MSRA: variants seen among roughly 807,000 people sequenced by gnomAD.
MSRA encodes the protein methionine sulfoxide reductase A.
In MSRA, 54 loss-of-function variants were observed where a neutral mutation model predicts 31.3. The ratio of observed to expected loss-of-function variants is 1.73; its 90% CI spans 1.39 to 2.17. MSRA has a LOEUF of 2.17. Ranked by LOEUF, MSRA falls within the 30% of genes most tolerant of loss-of-function variation. The pLI is 0.00. For synonymous variants in MSRA, 169 were observed against 116.5 expected (o/e 1.45, Z -2.90); for missense variants, 507 against 300.9 (o/e 1.69, Z -5.07).
chr8:10,116,797 G>A (rs904266119), intron 1 of MSRA, among the ~76,000 whole-genome samples: 7 of 151,862 alleles, frequency 4.6e-5, no homozygotes, highest in African/African-American at 1.2e-4. Flanking sequence ...AAGAAGCCCC[G>A]TCTCTACTAA....
intron 5 of MSRA, among the ~76,000 whole-genome samples, chr8:10,325,222 T>A (rs1276411467): frequency 1.3e-5 from 2 of 152,122 alleles, no homozygotes; most frequent in Non-Finnish European, 2.9e-5. Flanking sequence ...GCACCTCTGA[T>A]AGAGGTGAGA....
intron 1 of MSRA, among the ~76,000 whole-genome samples, chr8:10,139,064 T>C (rs1046478275): frequency 6.6e-6 from 1 of 152,236 alleles, no homozygotes; most frequent in African/African-American, 2.4e-5. Flanking sequence ...TTAAAGGCTT[T>C]CATTACTATC....
At chr8:10,410,059 A>C (rs1258902644) in intron 5 of MSRA, among the ~76,000 whole-genome samples, 2 of 152,212 alleles carry the variant, frequency 1.3e-5, no homozygotes, top group Non-Finnish European at 2.9e-5. Flanking sequence ...GACCTTGTCT[A>C]TTATTTTTAA....
chr8:10,218,814 C>G (rs757745460), intron 2 of MSRA, among the ~76,000 whole-genome samples: 7 of 152,170 alleles, frequency 4.6e-5, no homozygotes, highest in South Asian at 2.1e-4. Context: ...GGGCGTTTAA[C>G]CAGATTATTG....
At chr8:10,266,761 A>G (rs528592336) in intron 3 of MSRA, among the ~76,000 whole-genome samples, 11 of 152,320 alleles carry the variant, frequency 7.2e-5, no homozygotes, top group African/African-American at 2.6e-4. Context: ...AGTGCAAGTC[A>G]TTTGACACGT....
intron 1 of MSRA, among the ~76,000 whole-genome samples, chr8:10,178,198 A>G (rs1295293050): frequency 6.6e-6 from 1 of 152,212 alleles, no homozygotes; most frequent in Non-Finnish European, 1.5e-5. Flanking sequence ...TAAGAGTGTG[A>G]AAATCAGGAG....
chr8:10,145,169 G>A (rs1471088955), intron 1 of MSRA, among the ~76,000 whole-genome samples: 2 of 152,210 alleles, frequency 1.3e-5, no homozygotes, highest in Non-Finnish European at 2.9e-5. Flanking sequence ...AAACTCCAGG[G>A]ACAGGCAGGG....
intron 5 of MSRA, among the ~76,000 whole-genome samples, chr8:10,356,913 T>A (rs899858823): frequency 0.01 from 1,430 of 138,678 alleles, 24 homozygotes; most frequent in African/African-American, 0.037. Context: ...AAAAAAAATA[T>A]ATGTGTCTTT....
intron 1 of MSRA, among the ~76,000 whole-genome samples, chr8:10,155,764 C>G (rs1015050301): frequency 6.6e-6 from 1 of 151,978 alleles, no homozygotes; most frequent in Non-Finnish European, 1.5e-5. Context: ...TAAAAAAACC[C>G]ATATGAGTCC....
At chr8:10,407,680 T>C (rs1224118066) in intron 5 of MSRA, among the ~76,000 whole-genome samples, 1 of 151,840 alleles carries the variant, frequency 6.6e-6, no homozygotes, top group African/African-American at 2.4e-5. Context: ...CAGGATTCTG[T>C]AGGCAAGAGA....
chr8:10,169,766 C>T (rs1244849448), intron 1 of MSRA, among the ~76,000 whole-genome samples: 1 of 152,126 alleles, frequency 6.6e-6, no homozygotes, highest in Non-Finnish European at 1.5e-5. Context: ...AACCATTCAT[C>T]ATTAGTACAT....
At position 10,229,618 on chromosome 8, in the gene MSRA, T is replaced by G. The variant is rs1295216549; in HGVS notation, c.212-15486T>G. ...AGGCAGGGAGCCTAAGAGAACAGAG[T>G]GGACACGAACGCTTACTGAGTACCT... On this transcript the variant is annotated intron_variant, in intron 2 of 5. Transcript: ENST00000317173. Among the ~76,000 whole-genome samples the G allele has an allele frequency of 2.0e-5, 3 of 151,778 alleles. No homozygotes were observed. The East Asian group carries it at 5.8e-4, about 29-fold the overall frequency.
rs1346258161 is a variant in MSRA, at chr8:10,428,366, T to C, written c.*54T>C. The C allele has an allele frequency of 2.6e-6, 4 of 1,568,616 alleles. No individual in the cohort carries two copies. In the East Asian group the frequency reaches 9.0e-5, roughly 35 times the overall value. ...TTCCAGTAAAAATGCTTTCAACAAATTGGGCAATGCTTGTGTGATTCACAA... is the reference window on the plus strand; with the variant it reads ...TTCCAGTAAAAATGCTTTCAACAAACTGGGCAATGCTTGTGTGATTCACAA... On this transcript the variant is annotated 3_prime_UTR_variant, in exon 6 of 6. Coordinates refer to ENST00000317173, the MANE Select transcript of MSRA (RefSeq NM_012331.5).
At chr8:10,299,394 T>A (rs941325167) in intron 3 of MSRA, among the ~76,000 whole-genome samples, 1 of 152,148 alleles carries the variant, frequency 6.6e-6, no homozygotes, top group African/African-American at 2.4e-5. Flanking sequence ...TATGTTCTAC[T>A]AGAGCAAAAG....
At chr8:10,367,775 A>G (rs1427920133) in intron 5 of MSRA, among the ~76,000 whole-genome samples, 1 of 152,368 alleles carries the variant, frequency 6.6e-6, no homozygotes, top group South Asian at 2.1e-4. Context: ...CACTGGAGCT[A>G]GTCTGAAGTG....
chr8:10,093,277 T>G (rs1344807124), intron 1 of MSRA, among the ~76,000 whole-genome samples: 1 of 152,188 alleles, frequency 6.6e-6, no homozygotes, highest in African/African-American at 2.4e-5. Context: ...TACTACCTTA[T>G]TTTATGTTAA....
intron 1 of MSRA, among the ~76,000 whole-genome samples, chr8:10,204,614 C>G (rs7004224): frequency 0.5 from 75,891 of 152,054 alleles, 19,432 homozygotes; most frequent in African/African-American, 0.63. Context: ...GCTCTACCAT[C>G]TAGGTTTGTG....
At chr8:10,346,362 T>C (rs1803774757) in intron 5 of MSRA, among the ~76,000 whole-genome samples, 1 of 152,198 alleles carries the variant, frequency 6.6e-6, no homozygotes, top group African/African-American at 2.4e-5. Flanking sequence ...CTCTCTAACA[T>C]GGCTGCTGGT....
intron 5 of MSRA, among the ~76,000 whole-genome samples, chr8:10,404,097 G>A (rs1444659395): frequency 2.0e-5 from 3 of 152,048 alleles, no homozygotes; most frequent in East Asian, 1.9e-4. Context: ...AGTAGACTTC[G>A]GAAAATGCTT....
Sources: gnomAD v4.1 joint callset for allele counts (sites outside exome capture counted in the v4.1 genomes callset) on GRCh38, gnomAD v4.1.1 for gene constraint, MANE v1.5 for transcripts, NCBI Gene and HGNC (gene_info 2026-07-23, HGNC 2026-07-21) for gene names.